The following PRSS12 variants were observed in gnomAD, a reference collection of about 807,000 sequenced individuals.
PRSS12 encodes serine protease 12, also known as neurotrypsin.
Under a neutral mutation model 104.4 loss-of-function variants are expected in PRSS12, and 85 were observed. The ratio of observed to expected loss-of-function variants is 0.81; its 90% CI spans 0.68 to 0.98. The LOEUF (loss-of-function observed/expected upper bound fraction) is 0.98, where lower values mean the gene tolerates loss of function less well. Among genes scored for constraint, PRSS12 ranks in the 50% least tolerant of loss-of-function variants. The pLI, the probability that PRSS12 is intolerant of heterozygous loss-of-function variation, is 0.00. For synonymous variants in PRSS12, 454 were observed against 425.2 expected (o/e 1.07, Z -0.83); for missense variants, 1,141 against 1,139.2 (o/e 1.00, Z -0.02).
intron 4 of PRSS12, among the ~76,000 whole-genome samples, chr4:118,321,130 C>A (rs968766845): frequency 1.3e-5 from 2 of 152,064 alleles, no homozygotes; most frequent in South Asian, 4.1e-4. Flanking sequence ...AGTCCTAACA[C>A]AAAGGAATCC....
intron 8 of PRSS12, 106 bp from the exon 9 acceptor site, chr4:118,299,044 T>TA: frequency 7.8e-7 from 1 of 1,280,888 alleles, no homozygotes; most frequent in Non-Finnish European, 1.1e-6. Context: ...ATATTAAAAT[T>TA]AGCATCTGCA....
chr4:118,304,231 A>G (rs1208598891), intron 8 of PRSS12, among the ~76,000 whole-genome samples: 1 of 151,806 alleles, frequency 6.6e-6, no homozygotes, highest in Non-Finnish European at 1.5e-5. Context: ...TTTTTAAGGC[A>G]TAATAACATT....
chr4:118,346,156 G>A (rs1263638893), intron 1 of PRSS12, among the ~76,000 whole-genome samples: 4 of 152,186 alleles, frequency 2.6e-5, no homozygotes, highest in East Asian at 1.9e-4. Context: ...TAAAGGCCAC[G>A]CTTCTGAAGA....
intron 8 of PRSS12, among the ~76,000 whole-genome samples, chr4:118,305,540 T>C (rs1034337697): frequency 6.6e-6 from 1 of 152,088 alleles, no homozygotes; most frequent in Non-Finnish European, 1.5e-5. Flanking sequence ...TGTGATACCA[T>C]TACCACAACC....
chr4:118,289,895 T>A (rs1209427423), intron 11 of PRSS12, among the ~76,000 whole-genome samples: 1 of 152,208 alleles, frequency 6.6e-6, no homozygotes, highest in African/African-American at 2.4e-5. Flanking sequence ...GCTCCTCTGC[T>A]CTTTAATCAA....
rs1723922881 is a variant in PRSS12, at chr4:118,331,741, C to T, written c.946G>A (p.Val316Met). 1 of 1,614,076 alleles carries T rather than the reference C, an allele frequency of 6.2e-7. No homozygotes were observed. Reference protein sequence around the residue: ...DDQWDDADAEVICRQLGLSGI... With the variant: ...DDQWDDADAEMICRQLGLSGI... ...CTGAGGCCCAGCTGCCTGCAGATCA[C>T]TTCTGCATCGGCATCATCCCATTGG... The change falls in exon 4 of 13, where the codon GTG becomes ATG. Residue 316 changes from valine to methionine, a missense_variant. Physicochemically the swap from Val to Met is conservative, Grantham distance 21. Coordinates refer to ENST00000296498, the MANE Select transcript of PRSS12 (RefSeq NM_003619.4).
chr4:118,283,343 G>A (rs1484644023), intron 11 of PRSS12, among the ~76,000 whole-genome samples: 1 of 152,202 alleles, frequency 6.6e-6, no homozygotes, highest in African/African-American at 2.4e-5. Flanking sequence ...AGGAGCAAAT[G>A]TGGAGGATGA....
rs1323550334 is a variant in PRSS12 at position 118,312,298 on chromosome 4, A to G, written c.1489+903T>C. On this transcript the variant is annotated intron_variant, in intron 7 of 12. Coordinates refer to ENST00000296498, the MANE Select transcript of PRSS12 (RefSeq NM_003619.4). ...CAAACAGGAGAATACAAAGGAGTTGATTCAATCCAAGGTTAAAAGTAAAGA... is the reference window on the plus strand; with the variant it reads ...CAAACAGGAGAATACAAAGGAGTTGGTTCAATCCAAGGTTAAAAGTAAAGA... 5.3e-5 allele frequency among the ~76,000 whole-genome samples: 8 copies of G among 152,256 alleles called. No individual in the cohort carries two copies. In the East Asian group the frequency reaches 1.5e-3, roughly 29 times the overall value.
At chr4:118,312,557 TA>T (rs1458241237) in intron 7 of PRSS12, among the ~76,000 whole-genome samples, 3 of 152,200 alleles carry the variant, frequency 2.0e-5, no homozygotes, top group Non-Finnish European at 4.4e-5. Flanking sequence ...TCTTTATCTA[TA>T]ATTATTTCAA....
At chr4:118,283,559 T>G (rs1172341999) in intron 11 of PRSS12, among the ~76,000 whole-genome samples, 1 of 152,214 alleles carries the variant, frequency 6.6e-6, no homozygotes, top group Admixed American at 6.5e-5. Context: ...AAGGTGGACT[T>G]AAACTACTTC....
rs746514063 is a variant in PRSS12 at position 118,335,455 on chromosome 4, C to CT, written c.820+17dup. The CT allele has an allele frequency of 7.5e-5, 121 of 1,609,602 alleles. No individual in the cohort carries two copies. Among genetic ancestry groups the CT allele is most frequent in the Non-Finnish European group, 9.8e-5 (116 of 1,177,720 alleles). On this transcript the variant is annotated intron_variant, in intron 3 of 12. Transcript: ENST00000296498. ...ACATAATGAAAGTAAAACAACAGAACTTTTTTCTTTTTTTTACCATGGGAA... is the reference window on the plus strand; with the variant it reads ...ACATAATGAAAGTAAAACAACAGAACTTTTTTTCTTTTTTTTACCATGGGAA...
rs1742814645 is a variant in PRSS12 at position 118,280,461 on chromosome 4, CTA to C, written c.*1473_*1474del. Reference sequence around the variant, plus strand: ...ATTGCAAATCTGCAAAGTAGTAAAACTATAAAGCACCTTTAGGTTTGCACCAG... The same window carrying C: ...ATTGCAAATCTGCAAAGTAGTAAAACTAAAGCACCTTTAGGTTTGCACCAG... On this transcript the variant is annotated 3_prime_UTR_variant, in exon 13 of 13. Coordinates refer to ENST00000296498, the MANE Select transcript of PRSS12 (RefSeq NM_003619.4). 6.6e-6 allele frequency: 1 copy of C among 152,222 alleles called. No individual in the cohort carries two copies. Among genetic ancestry groups the C allele is most frequent in the South Asian group, 2.1e-4 (1 of 4,836 alleles). 9.4% of individuals were successfully genotyped at this position (152,222 alleles called of 1,614,324 possible).
chr4:118,320,285 GA>G (rs1560777429), intron 4 of PRSS12, among the ~76,000 whole-genome samples: 1 of 151,640 alleles, frequency 6.6e-6, no homozygotes, highest in Admixed American at 6.6e-5. Context: ...ATATATTGAA[GA>G]AAAAAAAGTG....
chr4:118,325,180 C>T (rs1723738528), intron 4 of PRSS12, among the ~76,000 whole-genome samples: 1 of 151,882 alleles, frequency 6.6e-6, no homozygotes, highest in African/African-American at 2.4e-5. Flanking sequence ...TAAGTGGGAG[C>T]TAAATATTGA....
chr4:118,290,530 T>C (rs1200260731), intron 11 of PRSS12, among the ~76,000 whole-genome samples: 2 of 152,196 alleles, frequency 1.3e-5, no homozygotes, highest in African/African-American at 4.8e-5. Context: ...TAATATAGTC[T>C]TCAATTCTTG....
intron 6 of PRSS12, among the ~76,000 whole-genome samples, chr4:118,314,574 A>G (rs1291889174): frequency 6.6e-6 from 1 of 152,104 alleles, no homozygotes; most frequent in Admixed American, 6.5e-5. Flanking sequence ...TTGGAATTGC[A>G]TTTGTACAAA....
At chr4:118,334,411 A>C (rs1724010569) in intron 3 of PRSS12, among the ~76,000 whole-genome samples, 2 of 152,202 alleles carry the variant, frequency 1.3e-5, no homozygotes, top group Non-Finnish European at 2.9e-5. Flanking sequence ...AATAATCTAC[A>C]AACAGCAATA....
In PRSS12 at chr4:118,281,937, TAC is replaced by T. The variant is rs777254934; in HGVS notation, c.2625_2626del (p.Ter876IlefsTer69). The stretch of plus-strand genomic sequence containing the variant: ...CTGCTTTGAAGTTTCCATGAAGAAT[TAC>T]AGTTTGGTGACACTTTTTATCCAAG... On this transcript the variant is annotated frameshift_variant and stop_lost, in exon 13 of 13. Transcript: ENST00000296498. LOFTEE classifies it high-confidence loss of function. The T allele has an allele frequency of 1.1e-5, 13 of 1,229,432 alleles. No individual in the cohort carries two copies. The highest frequency in any genetic ancestry group is 3.0e-5 in the African/African-American group (2 of 67,428). 76.2% of individuals were successfully genotyped at this position (1,229,432 alleles called of 1,614,324 possible).
chr4:118,286,745 C>T (rs1318153372), intron 11 of PRSS12, among the ~76,000 whole-genome samples: 1 of 152,084 alleles, frequency 6.6e-6, no homozygotes, highest in East Asian at 1.9e-4. Context: ...CATATTATAA[C>T]AAAACTATCA....
Sources: gnomAD v4.1 joint callset for allele counts (sites outside exome capture counted in the v4.1 genomes callset) on GRCh38, gnomAD v4.1.1 for gene constraint, MANE v1.5 for transcripts, NCBI Gene and HGNC (gene_info 2026-07-23, HGNC 2026-07-21) for gene names.